Variants in GLIS3 observed in about 807,000 individuals in gnomAD.
GLIS3 encodes the protein GLIS family zinc finger 3, also known as zinc finger protein GLIS3.
A neutral mutation model predicts 78.6 loss-of-function variants in GLIS3; 53 were observed. The observed-to-expected ratio is 0.67, with a 90% confidence interval of 0.54 to 0.85. The LOEUF (loss-of-function observed/expected upper bound fraction) is 0.85. Among genes scored for constraint, GLIS3 ranks in the 40% least tolerant of loss-of-function variants. The pLI is 0.00. For missense variants in GLIS3, 1,703 were observed against 1,231.1 expected, an observed-to-expected ratio of 1.38 and a Z score of -5.74; for synonymous variants, 684 against 509.9, an observed-to-expected ratio of 1.34 and a Z score of -4.60.
At position 4,152,540 on chromosome 9, in the gene GLIS3, C is replaced by A. The variant is rs375972331; in HGVS notation, c.389-26599G>T. 1.1e-4 allele frequency among the ~76,000 whole-genome samples: 16 copies of A among 152,258 alleles called. No homozygotes were observed. The East Asian group carries it at 2.7e-3, about 26-fold the overall frequency. ...ACTTCTCTAGGCCTCAGATTTATCACCACTAAAATGCAGGTGAGTAATTAA... is the reference window on the plus strand; with the variant it reads ...ACTTCTCTAGGCCTCAGATTTATCAACACTAAAATGCAGGTGAGTAATTAA... On this transcript the variant is annotated intron_variant, in intron 2 of 10. Coordinates refer to ENST00000381971, the MANE Select transcript of GLIS3 (RefSeq NM_001042413.2).
At chr9:3,933,434 T>C (rs190284489) in intron 5 of GLIS3, among the ~76,000 whole-genome samples, 16 of 152,352 alleles carry the variant, frequency 1.1e-4, no homozygotes, top group Non-Finnish European at 1.5e-4. Flanking sequence ...CACCTATTTC[T>C]GTTATGACCC....
chr9:4,022,674 C>T (rs140942696), intron 4 of GLIS3, among the ~76,000 whole-genome samples: 1 of 152,158 alleles, frequency 6.6e-6, no homozygotes, highest in Non-Finnish European at 1.5e-5. Flanking sequence ...GGAAACGGTC[C>T]CACAGGGAAG....
chr9:3,847,631 T>A (rs1313814871), intron 9 of GLIS3, among the ~76,000 whole-genome samples: 3 of 152,270 alleles, frequency 2.0e-5, no homozygotes, highest in Non-Finnish European at 4.4e-5. Context: ...GTCATTTCCA[T>A]AATCAATCAT....
chr9:4,485,719 C>CTTT, the GLIS3 span, among the ~76,000 whole-genome samples: 83 of 143,246 alleles, frequency 5.8e-4, no homozygotes, highest in South Asian at 1.3e-3. Flanking sequence ...CCTGCCTCTG[C>CTTT]TTTTTTTTTT....
intron 2 of GLIS3, among the ~76,000 whole-genome samples, chr9:4,318,054 G>T (rs1156233240): frequency 6.6e-6 from 1 of 152,140 alleles, no homozygotes; most frequent in African/African-American, 2.4e-5. Flanking sequence ...AGAAACTGAG[G>T]AATGTCAAAG....
At chr9:4,243,713 T>C (rs778205875) in intron 2 of GLIS3, among the ~76,000 whole-genome samples, 5 of 152,302 alleles carry the variant, frequency 3.3e-5, no homozygotes, top group Middle Eastern at 6.8e-3. Context: ...TCCCTGGCAG[T>C]TTTCTTAAAA....
chr9:4,191,872 A>G (rs937353172), intron 2 of GLIS3, among the ~76,000 whole-genome samples: 4 of 152,130 alleles, frequency 2.6e-5, no homozygotes, highest in Non-Finnish European at 4.4e-5. Flanking sequence ...AGAAAGAAAA[A>G]TTAATATTAA....
the GLIS3 span, among the ~76,000 whole-genome samples, chr9:4,374,897 C>T: frequency 2.8e-4 from 43 of 152,340 alleles, 1 homozygote; most frequent in East Asian, 7.7e-3. Context: ...TTTTTTCCAC[C>T]TGACAACTCA....
chr9:3,973,683 G>A (rs564423480), intron 4 of GLIS3, among the ~76,000 whole-genome samples: 2 of 152,094 alleles, frequency 1.3e-5, no homozygotes, highest in African/African-American at 2.4e-5. Flanking sequence ...TTTTAAATAA[G>A]CAGCAAATTA....
chr9:4,379,403 T>C, the GLIS3 span, among the ~76,000 whole-genome samples: 2 of 152,254 alleles, frequency 1.3e-5, no homozygotes, highest in South Asian at 2.1e-4. Flanking sequence ...ATGCTAAAGA[T>C]AACAACATAT....
At chr9:4,184,463 C>G (rs1817594133) in intron 2 of GLIS3, among the ~76,000 whole-genome samples, 1 of 152,194 alleles carries the variant, frequency 6.6e-6, no homozygotes, top group Non-Finnish European at 1.5e-5. Flanking sequence ...TTTTGTTGGG[C>G]AAATACTTGG....
At chr9:4,354,543 C>T in the GLIS3 span, among the ~76,000 whole-genome samples, 13 of 152,272 alleles carry the variant, frequency 8.5e-5, no homozygotes, top group South Asian at 2.1e-4. Flanking sequence ...ATCCACGTGA[C>T]CCATCTTATT....
the GLIS3 span, among the ~76,000 whole-genome samples, chr9:4,382,314 T>C: frequency 1.7e-4 from 26 of 152,342 alleles, no homozygotes; most frequent in East Asian, 3.9e-3. Context: ...AAAACCGAAA[T>C]TCAACTGGAG....
chr9:4,380,960 A>C, the GLIS3 span, among the ~76,000 whole-genome samples: 1 of 152,154 alleles, frequency 6.6e-6, no homozygotes, highest in Non-Finnish European at 1.5e-5. Context: ...AATAAGCCAT[A>C]TAAAATTAGA....
At chr9:4,418,888 A>G in the GLIS3 span, among the ~76,000 whole-genome samples, 1 of 152,130 alleles carries the variant, frequency 6.6e-6, no homozygotes, top group Non-Finnish European at 1.5e-5. Context: ...GGGGATGGGA[A>G]CATTCAAACC....
chr9:4,224,585 A>G (rs1005577036), intron 2 of GLIS3, among the ~76,000 whole-genome samples: 1 of 152,218 alleles, frequency 6.6e-6, no homozygotes, highest in Admixed American at 6.5e-5. Context: ...AGGAAAATCC[A>G]GAACCAAATC....
At chr9:4,393,093 T>C in the GLIS3 span, among the ~76,000 whole-genome samples, 1 of 152,208 alleles carries the variant, frequency 6.6e-6, no homozygotes, top group Non-Finnish European at 1.5e-5. Flanking sequence ...GGCAGTCTTT[T>C]TTATATTATA....
intron 8 of GLIS3, among the ~76,000 whole-genome samples, chr9:3,861,799 G>A (rs1172335781): frequency 6.6e-6 from 1 of 152,156 alleles, no homozygotes; most frequent in African/African-American, 2.4e-5. Context: ...GTGCAGGGGA[G>A]GGAGAGCATC....
chr9:4,451,706 G>C, the GLIS3 span, among the ~76,000 whole-genome samples: 120 of 152,160 alleles, frequency 7.9e-4, no homozygotes, highest in African/African-American at 2.7e-3. Context: ...ACTCAAAATT[G>C]CACAACTACA....
Sources: allele counts gnomAD v4.1 joint callset (sites outside exome capture counted in the v4.1 genomes callset), GRCh38; gene constraint gnomAD v4.1.1; transcripts MANE v1.5; gene names NCBI Gene and HGNC (gene_info 2026-07-23, HGNC 2026-07-21).